The following SLMAP variants were observed in gnomAD, a reference collection of about 807,000 sequenced individuals.
SLMAP encodes sarcolemma associated protein.
A neutral mutation model predicts 128.8 loss-of-function variants in SLMAP; 44 were observed. The ratio of observed to expected loss-of-function variants is 0.34; its 90% CI spans 0.27 to 0.44. SLMAP has a LOEUF of 0.44. Ranked by LOEUF, SLMAP falls within the 20% of genes least tolerant of loss-of-function variation. The probability of loss-of-function intolerance (pLI) is 1.00; values close to 1 mark genes in which losing one functional copy is unlikely to be tolerated. For missense variants in SLMAP, 787 were observed against 985.3 expected (o/e 0.80, Z 2.69); for synonymous variants, 327 against 348.8 (o/e 0.94, Z 0.70).
At chr3:57,861,205 T>C (rs554151638) in intron 9 of SLMAP, among the ~76,000 whole-genome samples, 1 of 152,300 alleles carries the variant, frequency 6.6e-6, no homozygotes, top group East Asian at 1.9e-4. Flanking sequence ...GAGTCTACAC[T>C]ACTTGTTCTT....
At chr3:57,860,073 G>T (rs567334345) in intron 8 of SLMAP, among the ~76,000 whole-genome samples, 1 of 151,918 alleles carries the variant, frequency 6.6e-6, no homozygotes, top group Non-Finnish European at 1.5e-5. Flanking sequence ...TTAGAGACAG[G>T]GTCTTGCTAT....
chr3:57,856,135 A>G (rs910995396), intron 6 of SLMAP, among the ~76,000 whole-genome samples: 14 of 152,096 alleles, frequency 9.2e-5, no homozygotes, highest in African/African-American at 3.4e-4. Flanking sequence ...TCATAAGCTC[A>G]GGAGTTTGAG....
intron 2 of SLMAP, among the ~76,000 whole-genome samples, chr3:57,803,928 G>A (rs1201744201): frequency 1.3e-5 from 2 of 152,100 alleles, no homozygotes; most frequent in African/African-American, 2.4e-5. Context: ...ACTCTTTACC[G>A]ATTTTGCTTT....
chr3:57,911,178 A>T (rs1469137365), intron 19 of SLMAP, among the ~76,000 whole-genome samples: 1 of 152,058 alleles, frequency 6.6e-6, no homozygotes, highest in Non-Finnish European at 1.5e-5. Context: ...TTGCCCAGGC[A>T]TTATTGAGTG....
At chr3:57,911,681 AG>A (rs2096703104) in intron 19 of SLMAP, among the ~76,000 whole-genome samples, 1 of 152,218 alleles carries the variant, frequency 6.6e-6, no homozygotes, top group Non-Finnish European at 1.5e-5. Context: ...TGTACAGTCC[AG>A]TAGAAAAGAT....
At chr3:57,842,529 A>G (rs893166091) in intron 4 of SLMAP, among the ~76,000 whole-genome samples, 6 of 152,202 alleles carry the variant, frequency 3.9e-5, no homozygotes, top group Non-Finnish European at 7.4e-5. Flanking sequence ...AACTAATGAT[A>G]TATTGCTTCT....
At position 57,843,454 on chromosome 3, in the gene SLMAP, C is replaced by T. The variant is rs574902173; in HGVS notation, c.419+2083C>T. On this transcript the variant is annotated intron_variant, in intron 4 of 24. Coordinates refer to ENST00000671191, the MANE Select transcript of SLMAP (RefSeq NM_001377540.1). The stretch of plus-strand genomic sequence containing the variant: ...CTGAGCAGCTGGGACTACAGGTGCA[C>T]ACCACCACGCCCAGCTAATTTTTTG... Among the ~76,000 whole-genome samples, 8 of 151,634 alleles carry T rather than the reference C, an allele frequency of 5.3e-5. No individual in the cohort carries two copies. In the East Asian group the frequency reaches 1.2e-3, roughly 22 times the overall value.
intron 14 of SLMAP, among the ~76,000 whole-genome samples, chr3:57,885,958 A>G (rs2095874570): frequency 7.3e-6 from 1 of 136,480 alleles, no homozygotes; most frequent in Admixed American, 7.5e-5. Context: ...TAATTTTTGT[A>G]TTTTTAGTAG....
intron 2 of SLMAP, among the ~76,000 whole-genome samples, chr3:57,788,858 T>G (rs1441514953): frequency 7.3e-6 from 1 of 136,696 alleles, no homozygotes; most frequent in Non-Finnish European, 1.5e-5. Context: ...AGGCAGTGAG[T>G]TAGGGAGTGT....
chr3:57,810,304 G>T (rs1022733706), intron 2 of SLMAP, among the ~76,000 whole-genome samples: 3 of 152,192 alleles, frequency 2.0e-5, no homozygotes, highest in Non-Finnish European at 4.4e-5. Flanking sequence ...TCCATGCCTG[G>T]CTTGCCGTTG....
At chr3:57,844,501 A>G (rs1343081463) in intron 4 of SLMAP, among the ~76,000 whole-genome samples, 1 of 152,078 alleles carries the variant, frequency 6.6e-6, no homozygotes, top group Admixed American at 6.6e-5. Flanking sequence ...TGGTTTGTAT[A>G]TGCATATGAA....
chr3:57,911,923 T>TA (rs57106769), intron 19 of SLMAP, among the ~76,000 whole-genome samples: 736 of 52,372 alleles, frequency 0.014, 46 homozygotes, highest in African/African-American at 0.028. Context: ...GGATTCACCC[T>TA]AAAAAAAAAA....
At chr3:57,781,184 A>G (rs978682963) in intron 2 of SLMAP, among the ~76,000 whole-genome samples, 1 of 152,158 alleles carries the variant, frequency 6.6e-6, no homozygotes, top group African/African-American at 2.4e-5. Flanking sequence ...GCACCACTGC[A>G]TTCCAGCCTG....
chr3:57,775,063 T>C (rs1045404642), intron 2 of SLMAP, among the ~76,000 whole-genome samples: 16 of 151,652 alleles, frequency 1.1e-4, no homozygotes, highest in African/African-American at 3.9e-4. Flanking sequence ...TATTTTTCTT[T>C]TTTTTTTTTG....
intron 2 of SLMAP, among the ~76,000 whole-genome samples, chr3:57,758,706 C>G (rs531478648): frequency 2.0e-5 from 3 of 152,288 alleles, no homozygotes. Flanking sequence ...TCGTAAGTTA[C>G]TATACATGTA....
intron 16 of SLMAP, 97 bp downstream of exon 16, chr3:57,896,688 GA>G (rs1189703730): frequency 1.3e-3 from 1,317 of 1,024,024 alleles, no homozygotes; most frequent in South Asian, 2.4e-3. Context: ...TGTGTTTGGG[GA>G]AAAAAAAAAC....
intron 2 of SLMAP, among the ~76,000 whole-genome samples, chr3:57,797,484 CAAAA>C (rs778103840): frequency 1.1e-5 from 1 of 90,172 alleles, no homozygotes; most frequent in African/African-American, 4.3e-5. Context: ...AACTCCATCT[CAAAA>C]AAAAAAAAAA....
chr3:57,814,585 GT>G (rs2091578137), intron 2 of SLMAP, among the ~76,000 whole-genome samples: 2 of 152,152 alleles, frequency 1.3e-5, no homozygotes, highest in African/African-American at 4.8e-5. Flanking sequence ...GGTTCACACT[GT>G]TAATTGAATA....
intron 18 of SLMAP, among the ~76,000 whole-genome samples, 184 bp downstream of exon 18, chr3:57,908,190 C>G (rs1189724098): frequency 6.6e-6 from 1 of 152,204 alleles, no homozygotes; most frequent in Non-Finnish European, 1.5e-5. Flanking sequence ...AGGAGAGTTA[C>G]AGTTGCTCTA....
Sources: gnomAD v4.1 joint callset for allele counts (sites outside exome capture counted in the v4.1 genomes callset) on GRCh38, gnomAD v4.1.1 for gene constraint, MANE v1.5 for transcripts, NCBI Gene and HGNC (gene_info 2026-07-23, HGNC 2026-07-21) for gene names.